The following CNTNAP4 variants were observed in gnomAD, a reference collection of about 807,000 sequenced individuals.
CNTNAP4 encodes the protein contactin-associated protein-like 4.
Under a neutral mutation model 148.4 loss-of-function variants are expected in CNTNAP4, and 98 were observed. The observed-to-expected ratio is 0.66, with a 90% CI of 0.56 to 0.78. The LOEUF (loss-of-function observed/expected upper bound fraction) is 0.78, where lower values mean the gene tolerates loss of function less well. CNTNAP4 is among the 30% of genes least tolerant of loss of function. The pLI, the probability that CNTNAP4 is intolerant of heterozygous loss-of-function variation, is 0.00. For synonymous variants in CNTNAP4, 730 were observed against 565.1 expected (o/e 1.29, Z -4.14); for missense variants, 1,935 against 1,565.6 (o/e 1.24, Z -3.98).
At chr16:76,319,579 C>G (rs1962190340) in intron 2 of CNTNAP4, among the ~76,000 whole-genome samples, 1 of 151,880 alleles carries the variant, frequency 6.6e-6, no homozygotes, top group African/African-American at 2.4e-5. Flanking sequence ...CAGATATCAT[C>G]AAGTTAAGAT....
intron 21 of CNTNAP4, among the ~76,000 whole-genome samples, chr16:76,546,733 G>A (rs920028820): frequency 6.6e-6 from 1 of 152,132 alleles, no homozygotes; most frequent in African/African-American, 2.4e-5. Context: ...CTGGTCCCTG[G>A]TGCCAAAAAG....
chr16:76,285,070 A>G (rs1343534493), intron 1 of CNTNAP4, among the ~76,000 whole-genome samples: 1 of 152,068 alleles, frequency 6.6e-6, no homozygotes. Context: ...TAAAGAATGT[A>G]CATGCCAAAC....
At chr16:76,419,280 A>G (rs4243116) in intron 3 of CNTNAP4, among the ~76,000 whole-genome samples, 63,545 of 151,552 alleles carry the variant, frequency 0.42, 13,687 homozygotes, top group African/African-American at 0.51. Flanking sequence ...GAATGGGAGA[A>G]GTACTGCCCC....
chr16:76,500,221 C>G (rs1184237171), intron 15 of CNTNAP4, among the ~76,000 whole-genome samples: 1 of 151,860 alleles, frequency 6.6e-6, no homozygotes, highest in Non-Finnish European at 1.5e-5. Context: ...GGCGGCTGGC[C>G]TGGCAGGGGC....
intron 3 of CNTNAP4, among the ~76,000 whole-genome samples, chr16:76,405,699 A>G (rs1414131442): frequency 6.6e-6 from 1 of 152,116 alleles, no homozygotes; most frequent in African/African-American, 2.4e-5. Flanking sequence ...CTTGCTGTTC[A>G]CGGGTGGCAG....
chr16:76,292,632 G>A (rs1959160150), intron 1 of CNTNAP4, among the ~76,000 whole-genome samples: 1 of 152,134 alleles, frequency 6.6e-6, no homozygotes, highest in South Asian at 2.1e-4. Flanking sequence ...CCTAACTGCT[G>A]TATCATTCCT....
chr16:76,473,451 A>G (rs2081442826), intron 10 of CNTNAP4, among the ~76,000 whole-genome samples: 1 of 152,048 alleles, frequency 6.6e-6, no homozygotes, highest in Non-Finnish European at 1.5e-5. Flanking sequence ...TTAAAATTGG[A>G]AAAAATTCTG....
chr16:76,399,687 C>G (rs1039971725), intron 3 of CNTNAP4, among the ~76,000 whole-genome samples: 1 of 152,118 alleles, frequency 6.6e-6, no homozygotes, highest in Admixed American at 6.6e-5. Flanking sequence ...TGTAACATAT[C>G]ATTAAAAACT....
At chr16:76,332,033 C>T (rs1963572481) in intron 2 of CNTNAP4, among the ~76,000 whole-genome samples, 1 of 152,150 alleles carries the variant, frequency 6.6e-6, no homozygotes, top group Non-Finnish European at 1.5e-5. Context: ...TATATCATCC[C>T]ACTGCCTTTT....
At chr16:76,433,247 A>G (rs1368925095) in intron 4 of CNTNAP4, among the ~76,000 whole-genome samples, 1 of 152,148 alleles carries the variant, frequency 6.6e-6, no homozygotes, top group East Asian at 1.9e-4. Context: ...CCATCATTCT[A>G]GTGTTCAACT....
At position 76,355,977 on chromosome 16, in the gene CNTNAP4, C is replaced by T. The variant is rs373902217; in HGVS notation, c.390+466C>T. ...GCAACCTCTGCCTCCCGGGTTCAAG[C>T]GATTCTCCTACTTCAGCCTCCCAAG... is the stretch of plus-strand genomic sequence containing the variant. On this transcript the variant is annotated intron_variant, in intron 3 of 23. Coordinates refer to ENST00000611870, the MANE Select transcript of CNTNAP4 (RefSeq NM_033401.5). Among the ~76,000 whole-genome samples, 90 of 151,916 alleles carry T rather than the reference C, an allele frequency of 5.9e-4. 2 individuals carry two copies. The South Asian group carries it at 0.015, about 26-fold the overall frequency.
chr16:76,278,863 A>T (rs377163766), intron 1 of CNTNAP4, among the ~76,000 whole-genome samples: 36 of 152,278 alleles, frequency 2.4e-4, no homozygotes, highest in African/African-American at 8.4e-4. Context: ...GCACAAGTCA[A>T]ATGTCCCCTC....
chr16:76,469,771 TA>T (rs2081300460), intron 10 of CNTNAP4, among the ~76,000 whole-genome samples: 2 of 152,250 alleles, frequency 1.3e-5, no homozygotes, highest in African/African-American at 4.8e-5. Context: ...ATCTTGACTA[TA>T]CATGTTTCTT....
chr16:76,317,345 C>G (rs1961902490), intron 2 of CNTNAP4, among the ~76,000 whole-genome samples: 2 of 146,234 alleles, frequency 1.4e-5, no homozygotes, highest in Admixed American at 6.8e-5. Context: ...TGTGTTTGAT[C>G]ACTTGAATAT....
At position 76,448,910 on chromosome 16, in the gene CNTNAP4, C is replaced by G. The variant is rs773280151; in HGVS notation, c.886C>G (p.His296Asp). ...AGTGGACGAACACAGGCATCATTTC[C>G]ATGCACGGGGAGAATTCAATCTCAT... ...FTVDEHRHHF[H>D]ARGEFNLMNL... Residue 296 changes from histidine (H) to aspartate (D), a missense_variant, in exon 6 of 24, where the codon CAT becomes GAT. His to Asp is a moderately conservative substitution (Grantham distance 81). Coordinates refer to ENST00000611870, the MANE Select transcript of CNTNAP4 (RefSeq NM_033401.5). 6.2e-7 allele frequency: 1 copy of G among 1,613,742 alleles called. No individual in the cohort carries two copies. Among genetic ancestry groups the G allele is most frequent in the Non-Finnish European group, 8.5e-7 (1 of 1,179,826 alleles).
intron 3 of CNTNAP4, among the ~76,000 whole-genome samples, chr16:76,360,403 A>G (rs1343160842): frequency 1.3e-5 from 2 of 152,212 alleles, no homozygotes; most frequent in Admixed American, 6.5e-5. Flanking sequence ...AGTTTAATAG[A>G]AAATCTGAGG....
intron 2 of CNTNAP4, among the ~76,000 whole-genome samples, chr16:76,338,126 A>G (rs1024163697): frequency 1.3e-5 from 2 of 152,240 alleles, no homozygotes; most frequent in African/African-American, 2.4e-5. Flanking sequence ...TTATAAGAGT[A>G]TCGATTGGGG....
At chr16:76,522,651 TCTCTTTCTC>T (rs1568496033) in intron 17 of CNTNAP4, among the ~76,000 whole-genome samples, 75 of 126,760 alleles carry the variant, frequency 5.9e-4, no homozygotes, top group Middle Eastern at 4.2e-3. Flanking sequence ...CTTTCTTTTC[TCTCTTTCTC>T]TCTTTCCTTC....
At chr16:76,414,218 G>C (rs1213450830) in intron 3 of CNTNAP4, among the ~76,000 whole-genome samples, 1 of 151,256 alleles carries the variant, frequency 6.6e-6, no homozygotes, top group Non-Finnish European at 1.5e-5. Context: ...GTTAGACATT[G>C]CCTGCTGGGC....
Sources: allele counts gnomAD v4.1 joint callset (sites outside exome capture counted in the v4.1 genomes callset), GRCh38; gene constraint gnomAD v4.1.1; transcripts MANE v1.5; gene names NCBI Gene and HGNC (gene_info 2026-07-23, HGNC 2026-07-21).